The following EPS8 variants were observed in gnomAD, a reference collection of about 807,000 sequenced individuals.
The protein encoded by EPS8 is EGFR pathway substrate 8, signaling adaptor, also known as epidermal growth factor receptor kinase substrate 8.
In EPS8, 42 loss-of-function variants were observed where a neutral mutation model predicts 103.8. That is an observed-to-expected ratio of 0.40 (90% CI 0.32 to 0.52). The LOEUF (loss-of-function observed/expected upper bound fraction) is 0.52, where lower values mean the gene tolerates loss of function less well. EPS8 is among the 20% of genes least tolerant of loss of function. The pLI, the probability that EPS8 is intolerant of heterozygous loss-of-function variation, is 0.40. For synonymous variants in EPS8, 344 were observed against 344.6 expected (o/e 1.00, Z 0.02); for missense variants, 969 against 1,005.1 (o/e 0.96, Z 0.49).
rs551690112 is a variant in EPS8 at position 15,744,062 on chromosome 12, C to T, written c.-22+45099G>A. ...TCTACAAAGAACTTAAACAAATTTA[C>T]AAGAAAAAATCAAACAACCCCATCA... On this transcript the variant is annotated intron_variant, in intron 1 of 20. Transcript: ENST00000281172. Among the ~76,000 whole-genome samples the T allele has an allele frequency of 1.8e-4, 27 of 152,206 alleles. No individual in the cohort carries two copies. In the South Asian group the frequency reaches 3.5e-3, roughly 20 times the overall value.
At chr12:15,686,313 G>A (rs1001030822) in intron 1 of EPS8, among the ~76,000 whole-genome samples, 5 of 152,052 alleles carry the variant, frequency 3.3e-5, no homozygotes, top group African/African-American at 1.2e-4. Flanking sequence ...ATGATCTTAG[G>A]TAGACAGTAG....
Position 15,733,833 on chromosome 12 carries a change from A to C in EPS8, c.-21-50861T>G, listed in dbSNP as rs1268450664. Among the ~76,000 whole-genome samples the C allele has an allele frequency of 6.6e-6, 1 of 152,174 alleles. No homozygotes were observed. The highest frequency in any genetic ancestry group is 1.5e-5 in the Non-Finnish European group (1 of 68,030). ...AATGTAAAAACATTGAAAATAATGT[A>C]AGCTGGTTTTTAATGGAAAATACAT... On this transcript the variant is annotated intron_variant, in intron 1 of 20. Coordinates refer to ENST00000281172, the MANE Select transcript of EPS8 (RefSeq NM_004447.6). The surrounding 1 kb of genome is among the most constrained non-coding windows in gnomAD (Gnocchi z 4.8).
In EPS8 at chr12:15,641,511, C is replaced by T. The variant is rs115144295; in HGVS notation, c.1677+211G>A. ...GGAAGTTAAAAAAAAACCCACCCTG[C>T]CACTCCCCACAAAAAACAAATAAAG... On this transcript the variant is annotated intron_variant, in intron 16 of 20. Transcript: ENST00000281172. 0.017 allele frequency among the ~76,000 whole-genome samples: 2,594 copies of T among 151,834 alleles called. 79 individuals carry two copies. Among genetic ancestry groups the T allele is most frequent in the African/African-American group, 0.059 (2,457 of 41,456 alleles).
intron 1 of EPS8, chr12:15,732,662 A>G: frequency 1.9e-6 from 1 of 513,436 alleles, no homozygotes; most frequent in Non-Finnish European, 2.5e-6. Context: ...GGAGAAGTCA[A>G]ATAAATGACC....
intron 17 of EPS8, among the ~76,000 whole-genome samples, chr12:15,632,988 A>G (rs1401107440): frequency 6.6e-6 from 1 of 152,110 alleles, no homozygotes; most frequent in Non-Finnish European, 1.5e-5. Flanking sequence ...AGGAGTGTTT[A>G]TAATGCTGGT....
rs144063714 is a variant in EPS8, at chr12:15,656,938, A to G, written c.1101+1141T>C. 2.1e-3 allele frequency among the ~76,000 whole-genome samples: 319 copies of G among 152,118 alleles called. 1 individual carries two copies. Among genetic ancestry groups the G allele is most frequent in the African/African-American group, 7.4e-3 (305 of 41,484 alleles). ...CAAATCAGACTTCTCATCACCTCCA[A>G]TGCTACCAGGTCCAAGCACCATAAT... is the stretch of plus-strand genomic sequence containing the variant. On this transcript the variant is annotated intron_variant, in intron 12 of 20. Coordinates refer to ENST00000281172, the MANE Select transcript of EPS8 (RefSeq NM_004447.6).
At position 15,780,169 on chromosome 12, in the gene EPS8, C is replaced by T. The variant is rs568368134; in HGVS notation, c.-22+8992G>A. On this transcript the variant is annotated intron_variant, in intron 1 of 20. Coordinates refer to ENST00000281172, the MANE Select transcript of EPS8 (RefSeq NM_004447.6). This position sits in a 1 kb window ranked among gnomAD's most constrained non-coding sequence, Gnocchi z 4.1. Reference sequence around the variant, plus strand: ...TAAACAGGTTTGGTATCTTTATTCTCTTCTGCTACAATGTAATGAATACTC... The same window carrying T: ...TAAACAGGTTTGGTATCTTTATTCTTTTCTGCTACAATGTAATGAATACTC... 1 of 152,252 alleles carries T rather than the reference C, an allele frequency of 6.6e-6. No individual in the cohort carries two copies. Among genetic ancestry groups the T allele is most frequent in the Non-Finnish European group, 1.5e-5 (1 of 68,002 alleles). 9.4% of individuals were successfully genotyped at this position (152,252 alleles called of 1,614,324 possible). A position where few individuals can be genotyped will look rare whatever the true frequency, so the allele number is the denominator to read the frequency against.
At chr12:15,707,282 T>A (rs1946399965) in intron 1 of EPS8, among the ~76,000 whole-genome samples, 1 of 152,212 alleles carries the variant, frequency 6.6e-6, no homozygotes, top group Non-Finnish European at 1.5e-5. Context: ...TCTCTGTCAA[T>A]ATTCTTCATT....
chr12:15,664,773 G>A (rs115145755), intron 8 of EPS8, among the ~76,000 whole-genome samples: 2,723 of 152,288 alleles, frequency 0.018, 59 homozygotes, highest in African/African-American at 0.052. Context: ...GCAAAAGAAT[G>A]AGGCTCTAGA....
Position 15,706,187 on chromosome 12 carries a change from G to A in EPS8, c.-21-23215C>T, listed in dbSNP as rs1281036727. On this transcript the variant is annotated intron_variant, in intron 1 of 20. Coordinates refer to ENST00000281172, the MANE Select transcript of EPS8 (RefSeq NM_004447.6). The surrounding 1 kb of genome is among the most constrained non-coding windows in gnomAD (Gnocchi z 5.2). ...TCCCTCCCATTGAGACAGCTAAGTG[G>A]GAGGGGATCCCTGGCAAAGCTCCTG... is the stretch of plus-strand genomic sequence containing the variant. Among the ~76,000 whole-genome samples, 1 of 152,154 alleles carries A rather than the reference G, an allele frequency of 6.6e-6. No individual in the cohort carries two copies. Among genetic ancestry groups the A allele is most frequent in the East Asian group, 1.9e-4 (1 of 5,188 alleles).
chr12:15,745,965 C>T lies in EPS8; in HGVS notation c.-22+43196G>A, dbSNP rs1207596228. On this transcript the variant is annotated intron_variant, in intron 1 of 20. Transcript: ENST00000281172. The surrounding 1 kb of genome is among the most constrained non-coding windows in gnomAD (Gnocchi z 4.6). ...CCTTATGAGGGTTGAAGAGTTACAC[C>T]ATTTTCTTTAACACACAGCTTTTAC... 6.6e-6 allele frequency among the ~76,000 whole-genome samples: 1 copy of T among 152,156 alleles called. No individual in the cohort carries two copies. Among genetic ancestry groups the T allele is most frequent in the Non-Finnish European group, 1.5e-5 (1 of 68,034 alleles).
Position 15,701,713 on chromosome 12 carries a change from C to T in EPS8, c.-21-18741G>A, listed in dbSNP as rs1356072605. Among the ~76,000 whole-genome samples, 2 of 152,182 alleles carry T rather than the reference C, an allele frequency of 1.3e-5. No individual in the cohort carries two copies. The highest frequency in any genetic ancestry group is 1.9e-4 in the East Asian group (1 of 5,200). Reference sequence around the variant, plus strand: ...ACTGTCCAGATACATTTATGTCAATCTCACTTGTTTTTTAGTTTCGAAACA... The same window carrying T: ...ACTGTCCAGATACATTTATGTCAATTTCACTTGTTTTTTAGTTTCGAAACA... On this transcript the variant is annotated intron_variant, in intron 1 of 20. Transcript: ENST00000281172. The surrounding 1 kb of genome is among the most constrained non-coding windows in gnomAD (Gnocchi z 5.1).
chr12:15,664,196 T>C (rs1565487571), intron 8 of EPS8, among the ~76,000 whole-genome samples: 1 of 151,468 alleles, frequency 6.6e-6, no homozygotes, highest in Admixed American at 6.6e-5. Context: ...TAAACACATT[T>C]TAAATACAAA....
At chr12:15,742,767 T>C (rs1396609167) in intron 1 of EPS8, among the ~76,000 whole-genome samples, 3 of 152,110 alleles carry the variant, frequency 2.0e-5, no homozygotes, top group African/African-American at 4.8e-5. Flanking sequence ...TATCTCAAAA[T>C]AAGAGCTATT....
At chr12:15,639,357 G>A (rs1945190008) in intron 17 of EPS8, among the ~76,000 whole-genome samples, 1 of 151,996 alleles carries the variant, frequency 6.6e-6, no homozygotes, top group African/African-American at 2.4e-5. Context: ...TAGGAACTAA[G>A]AAAAGAAAAA....
Position 15,640,698 on chromosome 12 carries a change from C to T in EPS8, c.1821+5G>A, listed in dbSNP as rs762821129. Reference sequence around the variant, plus strand: ...TACTACATTTTACTAAGAAATCATGCTCACCTGTATAGTATGAGTATAAGG... The same window carrying T: ...TACTACATTTTACTAAGAAATCATGTTCACCTGTATAGTATGAGTATAAGG... On this transcript the variant is annotated splice_donor_5th_base_variant and intron_variant, in intron 17 of 20. Coordinates refer to ENST00000281172, the MANE Select transcript of EPS8 (RefSeq NM_004447.6). The T allele has an allele frequency of 5.6e-6, 9 of 1,609,994 alleles. No homozygotes were observed. Among genetic ancestry groups the T allele is most frequent in the Middle Eastern group, 1.7e-4 (1 of 6,026 alleles).
chr12:15,728,524 G>A lies in EPS8; in HGVS notation c.-21-45552C>T, dbSNP rs1274625550. 6.6e-6 allele frequency among the ~76,000 whole-genome samples: 1 copy of A among 152,148 alleles called. No individual in the cohort carries two copies. The highest frequency in any genetic ancestry group is 1.5e-5 in the Non-Finnish European group (1 of 68,040). On this transcript the variant is annotated intron_variant, in intron 1 of 20. Transcript: ENST00000281172. The surrounding 1 kb of genome is among the most constrained non-coding windows in gnomAD (Gnocchi z 4.5). ...CAACAATAATAAGGAACACTCTCCC[G>A]GGTGCTGAGTCATTAATAGAATTTG...
At chr12:15,768,682 T>G (rs1456778137) in intron 1 of EPS8, among the ~76,000 whole-genome samples, 2 of 150,940 alleles carry the variant, frequency 1.3e-5, no homozygotes, top group African/African-American at 4.9e-5. Flanking sequence ...TAGTAGTGAT[T>G]CGGCAATCCA....
At position 15,784,454 on chromosome 12, in the gene EPS8, C is replaced by T. The variant is rs760006941; in HGVS notation, c.-22+4707G>A. On this transcript the variant is annotated intron_variant, in intron 1 of 20. Coordinates refer to ENST00000281172, the MANE Select transcript of EPS8 (RefSeq NM_004447.6). This position sits in a 1 kb window ranked among gnomAD's most constrained non-coding sequence, Gnocchi z 4.0. The stretch of plus-strand genomic sequence containing the variant: ...ACAATGACATATTACTACACACCTA[C>T]TAGAATGGGTAAAATCCAAAAAAGC... Among the ~76,000 whole-genome samples the T allele has an allele frequency of 1.3e-5, 2 of 152,090 alleles. No individual in the cohort carries two copies. The highest frequency in any genetic ancestry group is 3.2e-3 in the Middle Eastern group (1 of 316).
Sources: gnomAD v4.1 joint callset for allele counts (sites outside exome capture counted in the v4.1 genomes callset) on GRCh38, gnomAD v4.1.1 for gene constraint, Gnocchi (gnomAD v3.1) non-coding constraint, MANE v1.5 for transcripts, NCBI Gene and HGNC (gene_info 2026-07-23, HGNC 2026-07-21) for gene names.